Variants in SYNE2 observed in about 807,000 individuals in gnomAD.
SYNE2 encodes the protein nesprin-2.
A neutral mutation model predicts 856.3 loss-of-function variants in SYNE2; 431 were observed. The observed-to-expected ratio is 0.50, with a 90% CI of 0.47 to 0.55. The LOEUF (loss-of-function observed/expected upper bound fraction) is 0.55, where lower values mean the gene tolerates loss of function less well. SYNE2 is among the 20% of genes least tolerant of loss of function. The pLI is 0.00. For missense variants in SYNE2, 8,129 were observed against 8,023.2 expected, an observed-to-expected ratio of 1.01 and a Z score of -0.50; for synonymous variants, 2,923 against 2,872.3, an observed-to-expected ratio of 1.02 and a Z score of -0.56.
chr14:63,816,096 G>A (rs1888978110), intron 1 of SYNE2, among the ~76,000 whole-genome samples: 2 of 151,772 alleles, frequency 1.3e-5, no homozygotes, highest in African/African-American at 2.4e-5. Flanking sequence ...TTACAGGCAG[G>A]TGCCACCACG....
chr14:63,766,688 A>AC (rs1427312186), intron 1 of SYNE2, among the ~76,000 whole-genome samples: 1 of 152,228 alleles, frequency 6.6e-6, no homozygotes, highest in East Asian at 1.9e-4. Flanking sequence ...AACGTTGTTT[A>AC]AACTTTTCAG....
chr14:63,853,425 C>CT (rs1296851703), intron 1 of SYNE2, among the ~76,000 whole-genome samples: 1 of 151,206 alleles, frequency 6.6e-6, no homozygotes, highest in African/African-American at 2.4e-5. Flanking sequence ...TCTCTGGGTT[C>CT]TTTGTGTCAC....
intron 1 of SYNE2, among the ~76,000 whole-genome samples, chr14:63,879,046 C>T: frequency 6.6e-6 from 1 of 151,814 alleles, no homozygotes; most frequent in South Asian, 2.1e-4. Context: ...CTGTCTTTAC[C>T]AAAAAAAGCT....
Position 63,899,932 on chromosome 14 carries a change from T to C in SYNE2, c.-51-9166T>C, listed in dbSNP as rs188960639. ...ATTTATATACTGTGTAGTATATTTC[T>C]TAATAGTATTTAATAAATGTTAATT... On this transcript the variant is annotated intron_variant, in intron 1 of 115. Coordinates refer to ENST00000555002, the MANE Select transcript of SYNE2 (RefSeq NM_182914.3). Among the ~76,000 whole-genome samples, 38 of 152,370 alleles carry C rather than the reference T, an allele frequency of 2.5e-4. 1 individual carries two copies. Among genetic ancestry groups the C allele is most frequent in the Admixed American group, 2.3e-3 (35 of 15,302 alleles).
At chr14:64,163,622 T>A (rs1350423052) in intron 89 of SYNE2, 41 bp downstream of exon 89, 1 of 1,609,736 alleles carries the variant, frequency 6.2e-7, no homozygotes, top group Non-Finnish European at 8.5e-7. Context: ...TCTTAGACAT[T>A]TGCATTCCAT....
At chr14:64,135,721 G>A (rs2098082359) in intron 78 of SYNE2, among the ~76,000 whole-genome samples, 1 of 152,002 alleles carries the variant, frequency 6.6e-6, no homozygotes, top group African/African-American at 2.4e-5. Flanking sequence ...ATATTAAAAA[G>A]AAAAAAATTG....
chr14:63,888,248 A>G (rs767595587), intron 1 of SYNE2, among the ~76,000 whole-genome samples: 5 of 152,146 alleles, frequency 3.3e-5, no homozygotes, highest in African/African-American at 4.8e-5. Flanking sequence ...ATTCTACGAC[A>G]TGGTATTGCC....
rs111940838 is a variant in SYNE2 at position 64,091,515 on chromosome 14, C to A, written c.11976+467C>A. ...AGGGTTAAGTGACTTGCTGAAAGAC[C>A]ACAGAGTTAACTTGTGTAGAGGTTA... On this transcript the variant is annotated intron_variant, in intron 60 of 115. Transcript: ENST00000555002. 2.4e-4 allele frequency among the ~76,000 whole-genome samples: 37 copies of A among 152,218 alleles called. 1 individual carries two copies. Among genetic ancestry groups the A allele is most frequent in the African/African-American group, 7.9e-4 (33 of 41,532 alleles).
At chr14:64,025,464 T>G in intron 41 of SYNE2, 43 bp downstream of exon 41, 1 of 1,578,648 alleles carries the variant, frequency 6.3e-7, no homozygotes, top group Non-Finnish European at 8.6e-7. Context: ...GAGTGAACTC[T>G]AGTTTTGAAA....
At chr14:63,773,986 C>T (rs1306349865) in intron 1 of SYNE2, among the ~76,000 whole-genome samples, 1 of 152,154 alleles carries the variant, frequency 6.6e-6, no homozygotes, top group Admixed American at 6.6e-5. Context: ...TAAGGCATTT[C>T]ATGGATTTTC....
chr14:64,073,859 C>A, intron 52 of SYNE2, 109 bp from the exon 53 acceptor site: 1 of 1,208,724 alleles, frequency 8.3e-7, no homozygotes, highest in Non-Finnish European at 1.2e-6. Flanking sequence ...AAATAACCAT[C>A]CTTTAGTAGC....
At chr14:64,032,300 C>A (rs760049566) in intron 45 of SYNE2, among the ~76,000 whole-genome samples, 3 of 152,158 alleles carry the variant, frequency 2.0e-5, no homozygotes, top group Non-Finnish European at 4.4e-5. Flanking sequence ...TCAGGCCGGG[C>A]ATGGTGGCTC....
intron 45 of SYNE2, among the ~76,000 whole-genome samples, chr14:64,040,699 A>G (rs2097142239): frequency 2.7e-5 from 4 of 148,882 alleles, no homozygotes. Flanking sequence ...ATATATATAT[A>G]TGGCAGAAAA....
chr14:64,022,679 C>A, intron 37 of SYNE2, 72 bp from the exon 38 acceptor site: 2 of 848,366 alleles, frequency 2.4e-6, no homozygotes, highest in South Asian at 1.4e-5. Context: ...AAACAAGTTT[C>A]AAAATCTCTC....
chr14:63,965,994 TTAAAG>T (rs1466949306), intron 10 of SYNE2, among the ~76,000 whole-genome samples: 1 of 152,218 alleles, frequency 6.6e-6, no homozygotes, highest in East Asian at 1.9e-4. Context: ...ATTATCAGAA[TTAAAG>T]TAAATTAATT....
In SYNE2 at chr14:64,025,358, C is replaced by T. The variant is rs747343341; in HGVS notation, c.6189C>T (p.Ser2063=). 1.9e-6 allele frequency: 3 copies of T among 1,613,778 alleles called. No homozygotes were observed. In the Admixed American group the frequency reaches 5.0e-5, roughly 27 times the overall value. Residue 2063 remains serine (S), a synonymous_variant, in exon 41 of 116, where the codon TCC becomes TCT. Transcript: ENST00000555002. ...ATTGGATAAAAGAGATTAAAGAGTC[C>T]CTTATGGTTTTGAATTCATCCGAAG... is the stretch of plus-strand genomic sequence containing the variant. ...VIHWIKEIKE[S]LMVLNSSEGK...
chr14:64,115,333 T>G (rs2097845819), intron 66 of SYNE2, among the ~76,000 whole-genome samples: 1 of 151,948 alleles, frequency 6.6e-6, no homozygotes, highest in Non-Finnish European at 1.5e-5. Context: ...CAGGAGACCT[T>G]CCAGAGGCTA....
intron 45 of SYNE2, chr14:64,034,401 CT>C (rs2097068834): frequency 2.4e-6 from 1 of 421,560 alleles, no homozygotes; most frequent in Admixed American, 4.0e-5. Flanking sequence ...TCCAGAGAGG[CT>C]TTTATCAGAT....
At position 63,949,894 on chromosome 14, in the gene SYNE2, G is replaced by A. The variant is rs1566887934; in HGVS notation, c.478G>A (p.Asp160Asn). Residue 160 changes from aspartate (D) to asparagine (N), a missense_variant, in exon 7 of 116, where the codon GAC becomes AAC. Physicochemically the swap from Asp to Asn is conservative, Grantham distance 23. Coordinates refer to ENST00000555002, the MANE Select transcript of SYNE2 (RefSeq NM_182914.3). ...QPSLDDVSVVDSSPASSPPAK... is the reference protein window; with the variant it reads ...QPSLDDVSVVNSSPASSPPAK... ...TTCCCTGGATGATGTGAGTGTGGTT[G>A]ACTCATCTCCTGCCTCAAGTCCTCC... 1 of 1,613,974 alleles carries A rather than the reference G, an allele frequency of 6.2e-7. No individual in the cohort carries two copies. Among genetic ancestry groups the A allele is most frequent in the African/African-American group, 1.3e-5 (1 of 74,894 alleles).
Sources: allele counts gnomAD v4.1 joint callset (sites outside exome capture counted in the v4.1 genomes callset), GRCh38; gene constraint gnomAD v4.1.1; transcripts MANE v1.5; gene names NCBI Gene and HGNC (gene_info 2026-07-23, HGNC 2026-07-21).